ESR1: variants seen among roughly 807,000 people sequenced by gnomAD.
ESR1 encodes the protein estrogen receptor 1.
In ESR1, 12 loss-of-function variants were observed where a neutral mutation model predicts 52.7. That is an observed-to-expected ratio of 0.23 (90% CI 0.15 to 0.37). The LOEUF (loss-of-function observed/expected upper bound fraction) is 0.37, where lower values mean the gene tolerates loss of function less well. Ranked by LOEUF, ESR1 falls within the 10% of genes least tolerant of loss-of-function variation. ESR1 has a pLI of 1.00. For synonymous variants in ESR1, 305 were observed against 316.8 expected (o/e 0.96, Z 0.39); for missense variants, 584 against 779.7 (o/e 0.75, Z 2.99).
At chr6:152,095,357 G>A (rs2050525154) in intron 7 of ESR1, among the ~76,000 whole-genome samples, 3 of 152,178 alleles carry the variant, frequency 2.0e-5, no homozygotes, top group South Asian at 4.1e-4. Context: ...TCATCGGGGG[G>A]AGGTTCTTCT....
intron 2 of ESR1, among the ~76,000 whole-genome samples, chr6:151,776,083 T>C (rs1034796561): frequency 6.6e-6 from 1 of 152,158 alleles, no homozygotes; most frequent in African/African-American, 2.4e-5. Context: ...GTAAAAATGT[T>C]CAGGACTTTG....
Position 151,757,883 on chromosome 6 carries a change from G to T in ESR1, c.-70-49960G>T, listed in dbSNP as rs114385524. 1.5e-3 allele frequency among the ~76,000 whole-genome samples: 223 copies of T among 152,272 alleles called. 2 individuals carry two copies. Among genetic ancestry groups the T allele is most frequent in the African/African-American group, 4.7e-3 (194 of 41,564 alleles). On this transcript the variant is annotated intron_variant, in intron 2 of 2. Transcript: ENST00000404742. ...CATCCATTTCCTGTAATAAGGCAATGGTCTGACCTTGAGGAACCTATTAGA... is the reference window on the plus strand; with the variant it reads ...CATCCATTTCCTGTAATAAGGCAATTGTCTGACCTTGAGGAACCTATTAGA...
At chr6:151,697,957 G>A (rs537761434) in intron 1 of ESR1, among the ~76,000 whole-genome samples, 70 of 152,152 alleles carry the variant, frequency 4.6e-4, no homozygotes, top group African/African-American at 1.5e-3. Flanking sequence ...AATTAGCCCC[G>A]TGTGGCAGCA....
intron 2 of ESR1, among the ~76,000 whole-genome samples, chr6:151,866,024 A>T (rs571617680): frequency 7.9e-5 from 12 of 152,334 alleles, no homozygotes; most frequent in African/African-American, 2.9e-4. Flanking sequence ...CAGGTGGTGT[A>T]GACCTTAAAA....
intron 5 of ESR1, among the ~76,000 whole-genome samples, chr6:152,036,646 A>G (rs1472311941): frequency 6.6e-6 from 1 of 152,224 alleles, no homozygotes; most frequent in Non-Finnish European, 1.5e-5. Context: ...TCACAGATGC[A>G]TTTAGAAATG....
intron 4 of ESR1, among the ~76,000 whole-genome samples, chr6:151,956,867 T>A (rs9478258): frequency 1.2e-5 from 1 of 86,070 alleles, no homozygotes; most frequent in Non-Finnish European, 3.0e-5. Context: ...TATATAAATA[T>A]ATATATATAT....
intron 4 of ESR1, among the ~76,000 whole-genome samples, chr6:151,992,642 G>A (rs1217806786): frequency 6.6e-6 from 1 of 152,098 alleles, no homozygotes; most frequent in Non-Finnish European, 1.5e-5. Context: ...TGGAAGATGA[G>A]GTTGGCAAGG....
chr6:151,688,834 G>A (rs922721619), upstream of ESR1, among the ~76,000 whole-genome samples: 2 of 152,146 alleles, frequency 1.3e-5, no homozygotes, highest in Non-Finnish European at 2.9e-5. Context: ...TTATATCAGG[G>A]ACTTGTCCTG....
rs9340942 is a variant in ESR1, at chr6:151,992,274, C to T, written c.1097-19382C>T. Among the ~76,000 whole-genome samples the T allele has an allele frequency of 4.7e-3, 708 of 152,228 alleles. 9 individuals are homozygous for T. The highest frequency in any genetic ancestry group is 0.016 in the African/African-American group (649 of 41,530). The stretch of plus-strand genomic sequence containing the variant: ...TCACCATTCATCTCCAGAACTTTCT[C>T]ATCATCCCAGGCAAACTCTGTATCC... On this transcript the variant is annotated intron_variant, in intron 4 of 7. Transcript: ENST00000206249.
At chr6:151,760,410 C>T (rs1466696385) in intron 2 of ESR1, among the ~76,000 whole-genome samples, 1 of 152,190 alleles carries the variant, frequency 6.6e-6, no homozygotes. Context: ...AAATATCCCT[C>T]CTCTTAAAAA....
At chr6:151,949,727 G>A (rs1019040606) in intron 4 of ESR1, among the ~76,000 whole-genome samples, 17 of 152,228 alleles carry the variant, frequency 1.1e-4, no homozygotes, top group African/African-American at 4.1e-4. Flanking sequence ...TGGAAGCTCT[G>A]GTGAAACGCA....
intron 2 of ESR1, among the ~76,000 whole-genome samples, chr6:151,719,189 A>T (rs1035206346): frequency 2.0e-5 from 3 of 152,220 alleles, no homozygotes; most frequent in African/African-American, 7.2e-5. Flanking sequence ...CTCGTGGTGT[A>T]GAGTTTACAC....
At chr6:151,674,900 A>G (rs769992159) in intron 1 of ESR1, among the ~76,000 whole-genome samples, 2 of 152,260 alleles carry the variant, frequency 1.3e-5, no homozygotes, top group Non-Finnish European at 2.9e-5. Context: ...GTAAAACTGC[A>G]TTGGATTTCT....
intron 2 of ESR1, among the ~76,000 whole-genome samples, chr6:151,777,908 C>A (rs1467813404): frequency 6.6e-6 from 1 of 151,736 alleles, no homozygotes; most frequent in Non-Finnish European, 1.5e-5. Flanking sequence ...TGCAGTGAGC[C>A]GAGACTGCGC....
intron 1 of ESR1, among the ~76,000 whole-genome samples, chr6:151,813,762 G>A (rs1352984612): frequency 6.6e-6 from 1 of 151,994 alleles, no homozygotes; most frequent in African/African-American, 2.4e-5. Flanking sequence ...TCTTTGTTTG[G>A]TAATGTTCTA....
intron 2 of ESR1, among the ~76,000 whole-genome samples, chr6:151,739,111 G>T (rs917694131): frequency 6.6e-6 from 1 of 152,136 alleles, no homozygotes; most frequent in Non-Finnish European, 1.5e-5. Flanking sequence ...ATAAGAAGGG[G>T]CTTCACTAAG....
intron 5 of ESR1, among the ~76,000 whole-genome samples, chr6:152,043,786 C>CCTGGAAGGGGT (rs2045998331): frequency 6.6e-6 from 1 of 152,182 alleles, no homozygotes; most frequent in Non-Finnish European, 1.5e-5. Flanking sequence ...CAGGGTCCTC[C>CCTGGAAGGGGT]CGCATGGCCC....
In ESR1 at chr6:152,011,835, A is replaced by G. The variant is rs111522918; in HGVS notation, c.1235+41A>G. 2.7e-4 allele frequency: 436 copies of G among 1,604,676 alleles called. 4 individuals carry two copies. The African/African-American group carries it at 4.8e-3, about 18-fold the overall frequency. On this transcript the variant is annotated intron_variant, in intron 5 of 7. Transcript: ENST00000206249. ...GTAGCTTAGGAGTAGCATGTTCTTT[A>G]CGATCATAGTTCATTCATGAAACTA...
chr6:152,126,565 T>C (rs2053522510), exon 7 of ESR1: 1 of 152,286 alleles, frequency 6.6e-6, no homozygotes, highest in Admixed American at 6.5e-5. Flanking sequence ...TCAATACAGA[T>C]ATATCAGATA....
Sources: gnomAD v4.1 joint callset for allele counts (sites outside exome capture counted in the v4.1 genomes callset) on GRCh38, gnomAD v4.1.1 for gene constraint, MANE v1.5 for transcripts, NCBI Gene and HGNC (gene_info 2026-07-23, HGNC 2026-07-21) for gene names.